RAB2A: variants seen among roughly 807,000 people sequenced by gnomAD.
The protein encoded by RAB2A is ras-related protein Rab-2A.
Under a neutral mutation model 32.5 loss-of-function variants are expected in RAB2A, and 7 were observed. The ratio of observed to expected loss-of-function variants is 0.22; its 90% CI spans 0.12 to 0.40. The LOEUF (loss-of-function observed/expected upper bound fraction) is 0.40, where lower values mean the gene tolerates loss of function less well. Ranked by LOEUF, RAB2A falls within the 10% of genes least tolerant of loss-of-function variation. The pLI is 1.00. For missense variants in RAB2A, 108 were observed against 260.7 expected (o/e 0.41, Z 4.03); for synonymous variants, 79 against 85.2 (o/e 0.93, Z 0.40).
intron 6 of RAB2A, among the ~76,000 whole-genome samples, chr8:60,608,096 G>A (rs914954028): frequency 9.3e-6 from 1 of 107,000 alleles, no homozygotes; most frequent in South Asian, 3.5e-4. Flanking sequence ...TACTTTTCTG[G>A]GTTTTTGTTT....
chr8:60,588,222 G>T (rs1245056146), intron 5 of RAB2A, among the ~76,000 whole-genome samples: 1 of 152,200 alleles, frequency 6.6e-6, no homozygotes, highest in African/African-American at 2.4e-5. Context: ...GGTCAAGGCT[G>T]CAGTGAGCCA....
chr8:60,578,096 A>G (rs1033711930), intron 3 of RAB2A, among the ~76,000 whole-genome samples: 4 of 152,210 alleles, frequency 2.6e-5, no homozygotes, highest in East Asian at 1.9e-4. Flanking sequence ...ATAAATAACT[A>G]GCAATGCAAG....
intron 6 of RAB2A, among the ~76,000 whole-genome samples, chr8:60,595,578 A>G (rs1030242202): frequency 1.3e-5 from 2 of 152,246 alleles, no homozygotes; most frequent in Admixed American, 6.5e-5. Flanking sequence ...TAATCAAAGG[A>G]AAACAGGAGT....
At chr8:60,541,430 A>C (rs536885074) in intron 1 of RAB2A, among the ~76,000 whole-genome samples, 5 of 152,314 alleles carry the variant, frequency 3.3e-5, no homozygotes, top group African/African-American at 1.2e-4. Context: ...AGAGTGCAGG[A>C]TAAAGAATAA....
At chr8:60,594,396 G>T (rs10957149) in intron 6 of RAB2A, among the ~76,000 whole-genome samples, 1 of 151,996 alleles carries the variant, frequency 6.6e-6, no homozygotes, top group East Asian at 1.9e-4. Context: ...AGCACCCTAC[G>T]TATAGGGGAA....
chr8:60,528,480 T>C (rs1287770883), intron 1 of RAB2A, among the ~76,000 whole-genome samples: 1 of 152,190 alleles, frequency 6.6e-6, no homozygotes, highest in African/African-American at 2.4e-5. Context: ...TTTTTTGCCC[T>C]CTGTGTGTTC....
chr8:60,580,621 T>C (rs577527878), intron 3 of RAB2A, among the ~76,000 whole-genome samples: 1 of 152,192 alleles, frequency 6.6e-6, no homozygotes, highest in African/African-American at 2.4e-5. Flanking sequence ...GGGAATTGTG[T>C]TTTTTTATTT....
At chr8:60,546,349 C>T (rs377282066) in intron 1 of RAB2A, among the ~76,000 whole-genome samples, 1 of 152,196 alleles carries the variant, frequency 6.6e-6, no homozygotes, top group African/African-American at 2.4e-5. Flanking sequence ...CAAGACTTGA[C>T]CAACCTTCTC....
intron 1 of RAB2A, among the ~76,000 whole-genome samples, chr8:60,538,773 C>A (rs754665579): frequency 2.0e-5 from 3 of 152,128 alleles, no homozygotes; most frequent in Non-Finnish European, 2.9e-5. Flanking sequence ...AGCTGTCATG[C>A]CCTGTGCCCT....
At chr8:60,538,884 A>G (rs1260976168) in intron 1 of RAB2A, among the ~76,000 whole-genome samples, 2 of 152,220 alleles carry the variant, frequency 1.3e-5, no homozygotes, top group Non-Finnish European at 2.9e-5. Context: ...AGTACTCACT[A>G]CCTTTTGAAA....
intron 2 of RAB2A, among the ~76,000 whole-genome samples, chr8:60,566,543 A>G (rs148838133): frequency 1.4e-4 from 21 of 152,228 alleles, no homozygotes; most frequent in Middle Eastern, 3.4e-3. Context: ...ACAATGTCCT[A>G]AATATTCTTC....
Position 60,558,902 on chromosome 8 carries a change from C to G in RAB2A, c.97C>G (p.Pro33Ala). The G allele has an allele frequency of 6.2e-7, 1 of 1,612,440 alleles. No homozygotes were observed. Among genetic ancestry groups the G allele is most frequent in the Non-Finnish European group, 8.5e-7 (1 of 1,178,780 alleles). Reference sequence around the variant, plus strand: ...ACAGTTTACAGACAAGAGGTTTCAGCCAGTGCATGACCTTACTATTGGTAA... The same window carrying G: ...ACAGTTTACAGACAAGAGGTTTCAGGCAGTGCATGACCTTACTATTGGTAA... ...LLQFTDKRFQ[P>A]VHDLTIGVEF... The change falls in exon 2 of 8, where the codon CCA becomes GCA. Residue 33 changes from proline to alanine, a missense_variant. This residue lies in a region of RAB2A where 79 missense variants were observed against 199.8 expected (regional missense o/e 0.40). Coordinates refer to ENST00000262646, the MANE Select transcript of RAB2A (RefSeq NM_002865.3).
At chr8:60,549,201 G>A (rs7819215) in intron 1 of RAB2A, among the ~76,000 whole-genome samples, 1,826 of 151,974 alleles carry the variant, frequency 0.012, 35 homozygotes, top group African/African-American at 0.042. Context: ...GACGATGGGC[G>A]GCCAGGCGGA....
intron 3 of RAB2A, 45 bp from the exon 4 acceptor site, chr8:60,584,163 G>A: frequency 1.4e-6 from 2 of 1,389,084 alleles, no homozygotes; most frequent in Non-Finnish European, 2.0e-6. Context: ...AAATGTAGAG[G>A]ACATTGTATT....
chr8:60,607,428 CAAAAAAAAAA>C (rs773988383), intron 6 of RAB2A, among the ~76,000 whole-genome samples: 1 of 57,492 alleles, frequency 1.7e-5, no homozygotes, highest in African/African-American at 6.9e-5. Flanking sequence ...GACTCCATCT[CAAAAAAAAAA>C]AAAAAAAAAA....
At chr8:60,547,857 G>A (rs1467141496) in intron 1 of RAB2A, among the ~76,000 whole-genome samples, 170 of 100,902 alleles carry the variant, frequency 1.7e-3, no homozygotes, top group African/African-American at 2.7e-3. Flanking sequence ...CCTCCTGGAC[G>A]GGGCGGCTGG....
intron 6 of RAB2A, among the ~76,000 whole-genome samples, chr8:60,593,825 A>G (rs2130855262): frequency 6.6e-6 from 1 of 152,330 alleles, no homozygotes; most frequent in African/African-American, 2.4e-5. Flanking sequence ...ATGCCTCAAC[A>G]AACAAGGAAC....
intron 5 of RAB2A, among the ~76,000 whole-genome samples, chr8:60,586,149 A>T (rs1451791221): frequency 1.3e-5 from 2 of 152,132 alleles, no homozygotes; most frequent in Non-Finnish European, 2.9e-5. Flanking sequence ...CAAATTTTAA[A>T]ATTTAGCTAG....
rs148484740 is a variant in RAB2A at position 60,581,315 on chromosome 8, G to A, written c.187-2893G>A. On this transcript the variant is annotated intron_variant, in intron 3 of 7. Coordinates refer to ENST00000262646, the MANE Select transcript of RAB2A (RefSeq NM_002865.3). ...AACACTTCTGGTTCAAAGCATTTCA[G>A]AGAAGAAGTGCTCAACCTGTACTAA... Among the ~76,000 whole-genome samples, 749 of 152,326 alleles carry A rather than the reference G, an allele frequency of 4.9e-3. 7 individuals are homozygous for A. Among genetic ancestry groups the A allele is most frequent in the African/African-American group, 0.017 (696 of 41,578 alleles).
Sources: allele counts gnomAD v4.1 joint callset (sites outside exome capture counted in the v4.1 genomes callset), GRCh38; gene constraint gnomAD v4.1.1; regional missense constraint gnomAD v4.1.1; transcripts MANE v1.5; gene names NCBI Gene and HGNC (gene_info 2026-07-23, HGNC 2026-07-21).